Variants in ATG5 observed in about 807,000 individuals in gnomAD.
ATG5 encodes autophagy related 5, also known as autophagy protein 5.
ATG5 carries 14 observed loss-of-function variants against 36.5 expected under a neutral mutation model. That is an observed-to-expected ratio of 0.38 (90% confidence interval 0.25 to 0.60). The LOEUF is 0.60. Ranked by LOEUF, ATG5 falls within the 20% of genes least tolerant of loss-of-function variation. The probability of loss-of-function intolerance (pLI) is 0.60; values close to 1 mark genes in which losing one functional copy is unlikely to be tolerated. For synonymous variants in ATG5, 95 were observed against 101.5 expected (o/e 0.94, Z 0.38); for missense variants, 195 against 326.7 (o/e 0.60, Z 3.11).
At chr6:106,203,718 C>G (rs1286459857) in intron 6 of ATG5, among the ~76,000 whole-genome samples, 1 of 152,194 alleles carries the variant, frequency 6.6e-6, no homozygotes, top group African/African-American at 2.4e-5. Context: ...GTAGCTGGGA[C>G]TACAGGTGTG....
chr6:106,234,627 T>C (rs1199720162), intron 6 of ATG5, among the ~76,000 whole-genome samples: 1 of 152,244 alleles, frequency 6.6e-6, no homozygotes, highest in Non-Finnish European at 1.5e-5. Flanking sequence ...TCAGAATCTA[T>C]GTGCTTCCTC....
rs193142878 is a variant in ATG5, at chr6:106,276,353, A to G, written c.478+3308T>C. ...GTGGCAGCCACCTGTAGTCCCAGCT[A>G]TTCGGGAGGCTGAGGCAGGAGAATG... On this transcript the variant is annotated intron_variant, in intron 5 of 7. Coordinates refer to ENST00000369076, the MANE Select transcript of ATG5 (RefSeq NM_004849.4). Among the ~76,000 whole-genome samples the G allele has an allele frequency of 1.3e-3, 191 of 151,240 alleles. 3 individuals carry two copies. Among genetic ancestry groups the G allele is most frequent in the African/African-American group, 4.6e-3 (189 of 41,330 alleles).
intron 2 of ATG5, among the ~76,000 whole-genome samples, chr6:106,315,171 G>A (rs1298464140): frequency 6.6e-6 from 1 of 152,194 alleles, no homozygotes; most frequent in Non-Finnish European, 1.5e-5. Flanking sequence ...AGCTGGAGCA[G>A]GCTGAGGAGC....
intron 7 of ATG5, among the ~76,000 whole-genome samples, chr6:106,195,695 T>A (rs930700754): frequency 6.6e-6 from 1 of 151,962 alleles, no homozygotes; most frequent in Non-Finnish European, 1.5e-5. Flanking sequence ...ATTTGACAGT[T>A]TGCATGGGGA....
chr6:106,292,998 G>A (rs768018551), intron 4 of ATG5, 30 bp downstream of exon 4: 1 of 1,555,412 alleles, frequency 6.4e-7, no homozygotes, highest in Non-Finnish European at 8.8e-7. Context: ...TATCACAAAT[G>A]GGACGAAGGA....
chr6:106,246,747 C>T (rs1461658917), intron 6 of ATG5, among the ~76,000 whole-genome samples: 2 of 152,066 alleles, frequency 1.3e-5, no homozygotes, highest in Non-Finnish European at 2.9e-5. Flanking sequence ...TCAGAGTCTG[C>T]GATATATTTT....
At chr6:106,251,664 G>GGAGA in intron 5 of ATG5, among the ~76,000 whole-genome samples, 1 of 74,570 alleles carries the variant, frequency 1.3e-5, no homozygotes, top group African/African-American at 5.5e-5. Context: ...AGGGAGGAAG[G>GGAGA]GAGGGGGAGG....
At chr6:106,316,511 T>G (rs906702550) in intron 1 of ATG5, among the ~76,000 whole-genome samples, 2 of 152,188 alleles carry the variant, frequency 1.3e-5, no homozygotes, top group Non-Finnish European at 2.9e-5. Context: ...CATTGCATAT[T>G]TAAGTACTGA....
intron 1 of ATG5, among the ~76,000 whole-genome samples, chr6:106,318,347 T>G (rs1459226112): frequency 6.6e-6 from 1 of 152,154 alleles, no homozygotes; most frequent in Non-Finnish European, 1.5e-5. Flanking sequence ...GCTCTTTCTT[T>G]CCATAACATT....
At chr6:106,267,867 A>C (rs1779285454) in intron 5 of ATG5, among the ~76,000 whole-genome samples, 1 of 152,230 alleles carries the variant, frequency 6.6e-6, no homozygotes, top group Non-Finnish European at 1.5e-5. Flanking sequence ...TTAAATGTCA[A>C]GCCCAAAACC....
At chr6:106,290,139 A>G (rs182886401) in intron 4 of ATG5, among the ~76,000 whole-genome samples, 8 of 151,410 alleles carry the variant, frequency 5.3e-5, no homozygotes, top group African/African-American at 1.5e-4. Context: ...TGATCCTTCC[A>G]CTTCAGCTTC....
At chr6:106,225,245 A>C in intron 6 of ATG5, among the ~76,000 whole-genome samples, 1 of 152,232 alleles carries the variant, frequency 6.6e-6, no homozygotes, top group East Asian at 1.9e-4. Flanking sequence ...GAACTGCCTA[A>C]ATCAAAAGCT....
chr6:106,242,682 A>T (rs1027098598), intron 6 of ATG5, among the ~76,000 whole-genome samples: 6 of 152,326 alleles, frequency 3.9e-5, no homozygotes, highest in African/African-American at 1.4e-4. Context: ...AATACATCCT[A>T]TTCTGCTAGA....
intron 5 of ATG5, among the ~76,000 whole-genome samples, chr6:106,256,961 T>G (rs989149186): frequency 6.6e-6 from 1 of 152,246 alleles, no homozygotes; most frequent in Non-Finnish European, 1.5e-5. Context: ...GTAATAACAC[T>G]TAGCTTAAAA....
chr6:106,191,749 ACTGAT>A (rs1775972843), intron 7 of ATG5, among the ~76,000 whole-genome samples: 1 of 152,150 alleles, frequency 6.6e-6, no homozygotes, highest in Non-Finnish European at 1.5e-5. Context: ...CAAAAATGTA[ACTGAT>A]AAAGTATGTG....
intron 2 of ATG5, among the ~76,000 whole-genome samples, chr6:106,315,169 C>T (rs1770792581): frequency 6.6e-6 from 1 of 152,184 alleles, no homozygotes; most frequent in South Asian, 2.1e-4. Flanking sequence ...GTAGCTGGAG[C>T]AGGCTGAGGA....
intron 6 of ATG5, among the ~76,000 whole-genome samples, chr6:106,228,559 G>T (rs1042238668): frequency 6.6e-6 from 1 of 152,104 alleles, no homozygotes; most frequent in African/African-American, 2.4e-5. Context: ...CCCCAGGTCA[G>T]AGAACACGAG....
At chr6:106,230,698 T>C (rs541527524) in intron 6 of ATG5, among the ~76,000 whole-genome samples, 9 of 151,990 alleles carry the variant, frequency 5.9e-5, no homozygotes, top group Non-Finnish European at 8.8e-5. Context: ...ACCCCTAAGA[T>C]GTATTCTGGA....
At chr6:106,322,256 C>T (rs1031967674) in intron 1 of ATG5, among the ~76,000 whole-genome samples, 6 of 152,148 alleles carry the variant, frequency 3.9e-5, no homozygotes, top group African/African-American at 1.4e-4. Flanking sequence ...GAAAATGGCA[C>T]GGTGTGACAA....
Sources: allele counts gnomAD v4.1 joint callset (sites outside exome capture counted in the v4.1 genomes callset), GRCh38; gene constraint gnomAD v4.1.1; transcripts MANE v1.5; gene names NCBI Gene and HGNC (gene_info 2026-07-23, HGNC 2026-07-21).